Variants in KCNH1 observed in about 807,000 individuals in gnomAD.
The protein encoded by KCNH1 is potassium voltage-gated channel subfamily H member 1.
Under a neutral mutation model 69.2 loss-of-function variants are expected in KCNH1, and 27 were observed. The ratio of observed to expected loss-of-function variants is 0.39; its 90% CI spans 0.29 to 0.54. KCNH1 has a LOEUF of 0.54. KCNH1 is among the 20% of genes least tolerant of loss of function. KCNH1 has a pLI of 0.68. For missense variants in KCNH1, 798 were observed against 1,261.6 expected, an observed-to-expected ratio of 0.63 and a Z score of 5.57; for synonymous variants, 456 against 487.7, an observed-to-expected ratio of 0.93 and a Z score of 0.86.
intron 10 of KCNH1, among the ~76,000 whole-genome samples, chr1:210,691,680 A>T (rs1681530414): frequency 6.6e-6 from 1 of 152,202 alleles, no homozygotes; most frequent in Non-Finnish European, 1.5e-5. Flanking sequence ...GAAGTAGAAT[A>T]TCTGGCTAAG....
chr1:211,005,433 A>G (rs1201968103), intron 6 of KCNH1, among the ~76,000 whole-genome samples: 1 of 152,194 alleles, frequency 6.6e-6, no homozygotes, highest in African/African-American at 2.4e-5. Context: ...AGTGAAAAAG[A>G]ATTGAGTCCT....
At chr1:210,861,619 T>G (rs950221859) in intron 7 of KCNH1, 3 of 771,002 alleles carry the variant, frequency 3.9e-6, no homozygotes, top group Admixed American at 3.4e-5. Flanking sequence ...GTATAGAGTA[T>G]AGAGTATATA....
chr1:210,744,527 C>A lies in KCNH1; in HGVS notation c.2112+30821G>T, dbSNP rs568034157. On this transcript the variant is annotated intron_variant, in intron 10 of 10. Coordinates refer to ENST00000271751, the MANE Select transcript of KCNH1 (RefSeq NM_172362.3). ...GGCATGGTGGTGTGTGCCTGTAGTC[C>A]CAGCTACTCAGGAGGCTGAGGCAGG... Among the ~76,000 whole-genome samples, 5 of 152,142 alleles carry A rather than the reference C, an allele frequency of 3.3e-5. No homozygotes were observed. In the South Asian group the frequency reaches 1.0e-3, roughly 32 times the overall value.
At chr1:210,970,340 C>T (rs948993908) in intron 6 of KCNH1, among the ~76,000 whole-genome samples, 1 of 151,978 alleles carries the variant, frequency 6.6e-6, no homozygotes, top group Non-Finnish European at 1.5e-5. Flanking sequence ...GTTCAACTCC[C>T]ACTTATGAGT....
intron 10 of KCNH1, among the ~76,000 whole-genome samples, chr1:210,700,357 C>T (rs1681743804): frequency 6.6e-6 from 1 of 152,098 alleles, no homozygotes; most frequent in African/African-American, 2.4e-5. Flanking sequence ...AGTGTCCGAG[C>T]CAGCTTCATG....
intron 9 of KCNH1, among the ~76,000 whole-genome samples, chr1:210,780,531 G>A (rs1683956115): frequency 1.3e-5 from 2 of 152,178 alleles, no homozygotes. Flanking sequence ...GGAGATGCAG[G>A]TGACTATAAT....
intron 7 of KCNH1, among the ~76,000 whole-genome samples, chr1:210,892,637 CA>C: frequency 6.6e-6 from 1 of 151,952 alleles, no homozygotes; most frequent in African/African-American, 2.4e-5. Flanking sequence ...AAAATGGACC[CA>C]AAAAAATATG....
chr1:210,741,312 C>A (rs1574225972), intron 10 of KCNH1, among the ~76,000 whole-genome samples: 2 of 152,124 alleles, frequency 1.3e-5, no homozygotes, highest in East Asian at 3.9e-4. Context: ...AACTGAAACA[C>A]ACTGGTAAAT....
At chr1:210,700,839 A>AT (rs1015094574) in intron 10 of KCNH1, among the ~76,000 whole-genome samples, 10 of 152,180 alleles carry the variant, frequency 6.6e-5, no homozygotes, top group East Asian at 1.9e-4. Flanking sequence ...TCTTTTAATC[A>AT]TTTTTTATGG....
At chr1:210,758,230 T>C (rs1253539741) in intron 10 of KCNH1, among the ~76,000 whole-genome samples, 2 of 152,246 alleles carry the variant, frequency 1.3e-5, no homozygotes, top group African/African-American at 4.8e-5. Context: ...GCAGGCATTT[T>C]AGTTTCAGCC....
chr1:211,030,659 T>C (rs1689765654), intron 5 of KCNH1, among the ~76,000 whole-genome samples: 1 of 151,770 alleles, frequency 6.6e-6, no homozygotes. Flanking sequence ...AAGTTTTTTT[T>C]AGAAAAAAAA....
At chr1:210,912,473 C>A (rs748904552) in intron 7 of KCNH1, among the ~76,000 whole-genome samples, 1 of 152,134 alleles carries the variant, frequency 6.6e-6, no homozygotes, top group African/African-American at 2.4e-5. Flanking sequence ...ATACTTTAAA[C>A]ACTGTAATGT....
intron 3 of KCNH1, among the ~76,000 whole-genome samples, chr1:211,094,249 G>A (rs1016118510): frequency 3.3e-5 from 5 of 152,120 alleles, no homozygotes; most frequent in African/African-American, 7.2e-5. Flanking sequence ...TAGGGTTCAC[G>A]CTTCTGTGAG....
chr1:210,980,753 A>G (rs1271108439), intron 6 of KCNH1, among the ~76,000 whole-genome samples: 1 of 152,102 alleles, frequency 6.6e-6, no homozygotes, highest in East Asian at 1.9e-4. Context: ...AAGGGGTGGC[A>G]CTGGATATAT....
At chr1:210,781,127 A>C (rs1683972445) in intron 9 of KCNH1, among the ~76,000 whole-genome samples, 1 of 152,148 alleles carries the variant, frequency 6.6e-6, no homozygotes, top group Non-Finnish European at 1.5e-5. Flanking sequence ...TCCTTCATTC[A>C]CCTGTAGAAA....
chr1:211,091,586 G>T (rs966857199), intron 3 of KCNH1, among the ~76,000 whole-genome samples: 1 of 152,170 alleles, frequency 6.6e-6, no homozygotes, highest in South Asian at 2.1e-4. Context: ...CCCATACAAA[G>T]CTCTCCAGAA....
intron 7 of KCNH1, among the ~76,000 whole-genome samples, chr1:210,903,559 C>A (rs79891721): frequency 6.6e-6 from 1 of 152,040 alleles, no homozygotes. Flanking sequence ...GGTAAAAAAT[C>A]GTCTATTTGC....
Position 210,803,959 on chromosome 1 carries a change from C to G in KCNH1, c.1662+8G>C, listed in dbSNP as rs779122011. 1.4e-5 allele frequency: 23 copies of G among 1,612,662 alleles called. No homozygotes were observed. Among genetic ancestry groups the G allele is most frequent in the Admixed American group, 3.3e-5 (2 of 59,966 alleles). ...AAATGGTTTCCCTGAGCTCCTCATCCTCCTTACCTTCTCTGTGTCAATGCC... is the reference window on the plus strand; with the variant it reads ...AAATGGTTTCCCTGAGCTCCTCATCGTCCTTACCTTCTCTGTGTCAATGCC... On this transcript the variant is annotated splice_region_variant and intron_variant, in intron 8 of 10. Coordinates refer to ENST00000271751, the MANE Select transcript of KCNH1 (RefSeq NM_172362.3).
intron 7 of KCNH1, among the ~76,000 whole-genome samples, chr1:210,816,575 A>T (rs1482437048): frequency 6.6e-6 from 1 of 152,218 alleles, no homozygotes; most frequent in Non-Finnish European, 1.5e-5. Flanking sequence ...TTGCAAAGAG[A>T]CAACCATTTA....
Sources: allele counts gnomAD v4.1 joint callset (sites outside exome capture counted in the v4.1 genomes callset), GRCh38; gene constraint gnomAD v4.1.1; transcripts MANE v1.5; gene names NCBI Gene and HGNC (gene_info 2026-07-23, HGNC 2026-07-21).